ART4: variants seen among roughly 807,000 people sequenced by gnomAD.
ART4 encodes the protein ADP-ribosyltransferase 4 (inactive) (Dombrock blood group).
ART4 carries 14 observed loss-of-function variants against 24.2 expected under a neutral mutation model. That is an observed-to-expected ratio of 0.58 (90% CI 0.38 to 0.90). The LOEUF is 0.90. Ranked by LOEUF, ART4 falls within the 40% of genes least tolerant of loss-of-function variation. The pLI is 0.00. For synonymous variants in ART4, 145 were observed against 139.9 expected (o/e 1.04, Z -0.26); for missense variants, 356 against 366.6 (o/e 0.97, Z 0.24).
Position 14,841,077 on chromosome 12 carries a change from A to T in ART4, c.221T>A (p.Met74Lys), listed in dbSNP as rs569342021. The change falls in exon 2 of 3, where the codon ATG becomes AAG. Residue 74 changes from methionine to lysine, a missense_variant. Coordinates refer to ENST00000228936, the MANE Select transcript of ART4 (RefSeq NM_021071.4). ...DQYQGCSKQV[M>K]EKLTQGDYFT... The stretch of plus-strand genomic sequence containing the variant: ...ATAATCCCCTTGAGTTAGTTTCTCC[A>T]TAACCTGTTTGCTACAGCCTTGGTA... 1 of 1,614,192 alleles carries T rather than the reference A, an allele frequency of 6.2e-7. No individual in the cohort carries two copies. The highest frequency in any genetic ancestry group is 1.7e-5 in the Admixed American group (1 of 60,030).
In ART4 at chr12:14,842,862, A is replaced by C. The variant is rs28362794; in HGVS notation, c.144+108T>G. ...TGATTTGTTAAAATGTCTGAATGAA[A>C]CTAGATTCTGAATGCCTAAGTTTTC... On this transcript the variant is annotated intron_variant, in intron 1 of 2. Coordinates refer to ENST00000228936, the MANE Select transcript of ART4 (RefSeq NM_021071.4). 1,133 of 1,325,364 alleles carry C rather than the reference A, an allele frequency of 8.5e-4. 8 individuals are homozygous for C. In the African/African-American group the frequency reaches 0.015, roughly 18 times the overall value. The allele number at this position is 1,325,364 out of a possible 1,614,324, so 82.1% of individuals were successfully genotyped here. A position where few individuals can be genotyped will look rare whatever the true frequency, so the allele number is the denominator to read the frequency against.
At chr12:14,842,471 G>A (rs1863065643) in intron 1 of ART4, among the ~76,000 whole-genome samples, 1 of 152,170 alleles carries the variant, frequency 6.6e-6, no homozygotes, top group South Asian at 2.1e-4. Flanking sequence ...TTTAAGCCAA[G>A]CCGAGCCAAA....
At chr12:14,833,930 T>C (rs1270117883) in intron 2 of ART4, among the ~76,000 whole-genome samples, 2 of 152,206 alleles carry the variant, frequency 1.3e-5, no homozygotes, top group Non-Finnish European at 2.9e-5. Flanking sequence ...CTTCCTTTGT[T>C]TCTCTTCTTA....
At chr12:14,837,499 A>G (rs1350793866) in intron 2 of ART4, among the ~76,000 whole-genome samples, 1 of 152,168 alleles carries the variant, frequency 6.6e-6, no homozygotes, top group Non-Finnish European at 1.5e-5. Context: ...GCTATAGAAT[A>G]TATAAATAAT....
intron 2 of ART4, 25 bp downstream of exon 2, chr12:14,840,420 T>C (rs1286917309): frequency 6.4e-7 from 1 of 1,550,984 alleles, no homozygotes; most frequent in Non-Finnish European, 8.7e-7. Flanking sequence ...TGATCCTGAG[T>C]GGCCTCAATT....
chr12:14,834,061 C>T (rs913632595), intron 2 of ART4, among the ~76,000 whole-genome samples: 1 of 152,184 alleles, frequency 6.6e-6, no homozygotes, highest in Non-Finnish European at 1.5e-5. Context: ...CCAATGCTAT[C>T]ACAACATTCC....
intron 2 of ART4, among the ~76,000 whole-genome samples, chr12:14,836,415 T>G (rs918496425): frequency 1.3e-5 from 2 of 151,762 alleles, no homozygotes; most frequent in African/African-American, 4.8e-5. Context: ...TGACTCACAG[T>G]GTAGACTGTG....
At chr12:14,839,021 C>CT (rs927221513) in intron 2 of ART4, among the ~76,000 whole-genome samples, 5 of 150,568 alleles carry the variant, frequency 3.3e-5, no homozygotes, top group South Asian at 2.1e-4. Context: ...AAAAGTTTAA[C>CT]TTTTTTTTGT....
chr12:14,838,899 CTTTTTT>C (rs35828014), intron 2 of ART4, among the ~76,000 whole-genome samples: 1 of 140,528 alleles, frequency 7.1e-6, no homozygotes, highest in African/African-American at 2.6e-5. Flanking sequence ...TATGAACAGT[CTTTTTT>C]TTTTTTTTTC....
intron 1 of ART4, 90 bp from the exon 2 acceptor site, chr12:14,841,243 T>G (rs1317557877): frequency 9.8e-6 from 12 of 1,229,346 alleles, no homozygotes; most frequent in Non-Finnish European, 1.4e-5. Context: ...GGGTAAGTCT[T>G]CTCCTGGAAA....
At chr12:14,829,525 C>G (rs1291736289) in intron 2 of ART4, 63 bp from the exon 3 acceptor site, 20 of 1,137,498 alleles carry the variant, frequency 1.8e-5, no homozygotes, top group Non-Finnish European at 2.6e-5. Flanking sequence ...ACTACCTCAT[C>G]TATCCATTGA....
Position 14,840,639 on chromosome 12 carries a change from A to G in ART4, c.659T>C (p.Phe220Ser), listed in dbSNP as rs751904298. 33 of 1,614,120 alleles carry G rather than the reference A, an allele frequency of 2.0e-5. No individual in the cohort carries two copies. The highest frequency in any genetic ancestry group is 2.5e-5 in the Non-Finnish European group (29 of 1,179,998). The change falls in exon 2 of 3, where the codon TTT becomes TCT. Residue 220 changes from phenylalanine (F) to serine (S), a missense_variant. Physicochemically the swap from Phe to Ser is radical, Grantham distance 155 (BLOSUM62 -2). Transcript: ENST00000228936. ...TSLLKEEAQE[F>S]GNQTLFTIFT... ...TATGGTAAATAGTGTCTGGTTCCCA[A>G]ACTCCTGTGCCTCTTCTTTCAGGAG... is the stretch of plus-strand genomic sequence containing the variant.
intron 2 of ART4, among the ~76,000 whole-genome samples, chr12:14,839,815 C>A (rs368074146): frequency 2.6e-5 from 4 of 152,324 alleles, no homozygotes; most frequent in African/African-American, 9.6e-5. Context: ...ATTCTCACGA[C>A]AAGTTCCATA....
At chr12:14,833,827 G>A (rs975047159) in intron 2 of ART4, among the ~76,000 whole-genome samples, 6 of 152,150 alleles carry the variant, frequency 3.9e-5, no homozygotes, top group South Asian at 4.1e-4. Context: ...GCCTCTTTCT[G>A]TCAAAATGCA....
At chr12:14,836,449 A>G (rs1479203310) in intron 2 of ART4, among the ~76,000 whole-genome samples, 2 of 152,170 alleles carry the variant, frequency 1.3e-5, no homozygotes, top group Non-Finnish European at 2.9e-5. Flanking sequence ...CCAAGAGGGA[A>G]GGCACAAGAT....
intron 2 of ART4, among the ~76,000 whole-genome samples, chr12:14,830,731 A>G (rs1356829701): frequency 8.1e-6 from 1 of 122,922 alleles, no homozygotes; most frequent in Non-Finnish European, 1.7e-5. Context: ...TTTGAGTTGG[A>G]GTTCTCACTC....
intron 2 of ART4, among the ~76,000 whole-genome samples, chr12:14,835,893 G>T (rs1950427628): frequency 1.3e-5 from 2 of 152,122 alleles, no homozygotes; most frequent in Admixed American, 6.6e-5. Flanking sequence ...GTGAGCCACT[G>T]CACCTGGCTG....
intron 2 of ART4, among the ~76,000 whole-genome samples, chr12:14,832,015 C>A (rs1002473858): frequency 6.6e-6 from 1 of 152,102 alleles, no homozygotes; most frequent in Admixed American, 6.5e-5. Context: ...TGCCTCCACT[C>A]TACCACCTTC....
Position 14,825,748 on chromosome 12 carries a change from C to G in ART4, c.*3623G>C, listed in dbSNP as rs1406796974. 6.6e-6 allele frequency: 1 copy of G among 152,016 alleles called. No individual in the cohort carries two copies. Among genetic ancestry groups the G allele is most frequent in the African/African-American group, 2.4e-5 (1 of 41,382 alleles). 9.4% of individuals were successfully genotyped at this position (152,016 alleles called of 1,614,324 possible). A position where few individuals can be genotyped will look rare whatever the true frequency, so the allele number is the denominator to read the frequency against. On this transcript the variant is annotated 3_prime_UTR_variant, in exon 3 of 3. Coordinates refer to ENST00000228936, the MANE Select transcript of ART4 (RefSeq NM_021071.4). Reference sequence around the variant, plus strand: ...ATCCTGATTCTTCTAGCAAAACAAACTTTACTGAAATTTTCTTTCATTGGA... The same window carrying G: ...ATCCTGATTCTTCTAGCAAAACAAAGTTTACTGAAATTTTCTTTCATTGGA...
Sources: allele counts gnomAD v4.1 joint callset (sites outside exome capture counted in the v4.1 genomes callset), GRCh38; gene constraint gnomAD v4.1.1; transcripts MANE v1.5; gene names NCBI Gene and HGNC (gene_info 2026-07-23, HGNC 2026-07-21).